Variants in DIRAS2 observed in about 807,000 individuals in gnomAD.
DIRAS2 encodes DIRAS family GTPase 2.
A neutral mutation model predicts 13.9 loss-of-function variants in DIRAS2; 5 were observed. That is an observed-to-expected ratio of 0.36 (90% CI 0.19 to 0.76). DIRAS2 has a LOEUF of 0.76. Among genes scored for constraint, DIRAS2 ranks in the 30% least tolerant of loss-of-function variants. The probability of loss-of-function intolerance (pLI) is 0.53; values close to 1 mark genes in which losing one functional copy is unlikely to be tolerated. For synonymous variants in DIRAS2, 111 were observed against 105.4 expected, an observed-to-expected ratio of 1.05 and a Z score of -0.33; for missense variants, 191 against 263.0, an observed-to-expected ratio of 0.73 and a Z score of 1.89.
intron 1 of DIRAS2, among the ~76,000 whole-genome samples, chr9:90,619,833 A>T (rs1049888407): frequency 6.6e-6 from 1 of 152,256 alleles, no homozygotes; most frequent in African/African-American, 2.4e-5. Context: ...GTAAAATGCA[A>T]TCTACCCATT....
Position 90,613,585 on chromosome 9 carries a change from G to A in DIRAS2, c.243C>T (p.Ala81=). 1 of 1,614,180 alleles carries A rather than the reference G, an allele frequency of 6.2e-7. No homozygotes were observed. The highest frequency in any genetic ancestry group is 8.5e-7 in the Non-Finnish European group (1 of 1,180,042). Residue 81 remains alanine, a synonymous_variant, in exon 2 of 2, where the codon GCC becomes GCT. Coordinates refer to ENST00000375765, the MANE Select transcript of DIRAS2 (RefSeq NM_017594.5). This position sits in a 1 kb window ranked among gnomAD's most constrained non-coding sequence, Gnocchi z 5.6. ...MQRLSISKGH[A]FILVYSITSR... ...TGGTAATGGAGTACACCAGGATGAA[G>A]GCGTGCCCTTTGGAGATGGACAGCC...
rs139132864 is a variant in DIRAS2 at position 90,613,603 on chromosome 9, G to A, written c.225C>T (p.Ser75=). ...GGATGAAGGCGTGCCCTTTGGAGAT[G>A]GACAGCCGCTGCATGGCCGGGAACT... ...SHQFPAMQRL[S]ISKGHAFILV... The change falls in exon 2 of 2, where the codon TCC becomes TCT. Residue 75 remains serine (S), a synonymous_variant. Transcript: ENST00000375765. This position sits in a 1 kb window ranked among gnomAD's most constrained non-coding sequence, Gnocchi z 5.6. 2.1e-4 allele frequency: 339 copies of A among 1,614,164 alleles called. 3 individuals are homozygous for A. In the African/African-American group the frequency reaches 3.7e-3, roughly 18 times the overall value.
At chr9:90,616,880 G>C (rs1053351292) in intron 1 of DIRAS2, among the ~76,000 whole-genome samples, 4 of 152,168 alleles carry the variant, frequency 2.6e-5, no homozygotes, top group Non-Finnish European at 5.9e-5. Context: ...TTAGAGGGGG[G>C]ACAAGCATAG....
chr9:90,613,853 C>T lies in DIRAS2; in HGVS notation c.-26G>A. The T allele has an allele frequency of 6.3e-7, 1 of 1,581,670 alleles. No individual in the cohort carries two copies. The highest frequency in any genetic ancestry group is 2.2e-5 in the East Asian group (1 of 44,502). ...GTTGCTGGAGAGCTCCAACTCTCAG[C>T]CAGGACGCACCTAGCAAAGGAACCA... On this transcript the variant is annotated 5_prime_UTR_variant, in exon 2 of 2. Transcript: ENST00000375765. This position sits in a 1 kb window ranked among gnomAD's most constrained non-coding sequence, Gnocchi z 5.6.
chr9:90,637,794 C>T (rs1241649001), intron 1 of DIRAS2, among the ~76,000 whole-genome samples: 1 of 152,236 alleles, frequency 6.6e-6, no homozygotes, highest in Non-Finnish European at 1.5e-5. Context: ...AAGATCAGCA[C>T]TGTCCCCTTC....
intron 1 of DIRAS2, among the ~76,000 whole-genome samples, chr9:90,640,226 G>T (rs922315958): frequency 1.3e-5 from 2 of 152,076 alleles, no homozygotes; most frequent in African/African-American, 4.8e-5. Flanking sequence ...CAATTCTATT[G>T]TACAGTACAG....
rs933654002 is a variant in DIRAS2 at position 90,634,012 on chromosome 9, C to A, written c.-37+8740G>T. 4.6e-5 allele frequency among the ~76,000 whole-genome samples: 7 copies of A among 152,096 alleles called. No homozygotes were observed. The East Asian group carries it at 9.6e-4, about 21-fold the overall frequency. Reference sequence around the variant, plus strand: ...AAATACAGATATATAGACATGTATACTTTTTAAAGAGAAGGTAACAGCTGA... The same window carrying A: ...AAATACAGATATATAGACATGTATAATTTTTAAAGAGAAGGTAACAGCTGA... On this transcript the variant is annotated intron_variant, in intron 1 of 1. Coordinates refer to ENST00000375765, the MANE Select transcript of DIRAS2 (RefSeq NM_017594.5).
rs779081425 is a variant in DIRAS2, at chr9:90,613,859, C to G, written c.-32G>C. The G allele has an allele frequency of 6.3e-7, 1 of 1,578,638 alleles. No individual in the cohort carries two copies. The highest frequency in any genetic ancestry group is 1.8e-5 in the Admixed American group (1 of 54,702). On this transcript the variant is annotated 5_prime_UTR_variant, in exon 2 of 2. Transcript: ENST00000375765. The surrounding 1 kb of genome is among the most constrained non-coding windows in gnomAD (Gnocchi z 5.6). ...GGAGAGCTCCAACTCTCAGCCAGGA[C>G]GCACCTAGCAAAGGAACCAGATGTT...
chr9:90,613,946 A>T lies in DIRAS2; in HGVS notation c.-36-83T>A, dbSNP rs1468913422. ...AAGGATAGCTCTACCCTCTTTTGAT[A>T]GCTTAAAAATGGGAGGTGATAACAT... On this transcript the variant is annotated intron_variant, in intron 1 of 1. Transcript: ENST00000375765. The surrounding 1 kb of genome is among the most constrained non-coding windows in gnomAD (Gnocchi z 5.6). 2.3e-6 allele frequency: 3 copies of T among 1,313,198 alleles called. No individual in the cohort carries two copies. Among genetic ancestry groups the T allele is most frequent in the East Asian group, 5.2e-5 (2 of 38,766 alleles). 81.3% of individuals were successfully genotyped at this position (1,313,198 alleles called of 1,614,324 possible). A position where few individuals can be genotyped will look rare whatever the true frequency, so the allele number is the denominator to read the frequency against.
chr9:90,636,100 C>A (rs1391901793), intron 1 of DIRAS2, among the ~76,000 whole-genome samples: 1 of 121,308 alleles, frequency 8.2e-6, no homozygotes, highest in Non-Finnish European at 1.6e-5. Flanking sequence ...TGCAGTGGTG[C>A]GATCTTGGCT....
chr9:90,639,081 C>G (rs898606), intron 1 of DIRAS2, among the ~76,000 whole-genome samples: 30,238 of 152,034 alleles, frequency 0.2, 3,390 homozygotes, highest in Non-Finnish European at 0.27. Context: ...CATTAATTAG[C>G]TTTAGAAAAA....
Position 90,613,080 on chromosome 9 carries a change from C to T in DIRAS2, c.*148G>A, listed in dbSNP as rs907916555. On this transcript the variant is annotated 3_prime_UTR_variant, in exon 2 of 2. Transcript: ENST00000375765. This position sits in a 1 kb window ranked among gnomAD's most constrained non-coding sequence, Gnocchi z 5.6. ...GTGGCTTACTGTTGGTGGTGTGAAACGCCCTCTTAAGGACAATAGGACGCA... is the reference window on the plus strand; with the variant it reads ...GTGGCTTACTGTTGGTGGTGTGAAATGCCCTCTTAAGGACAATAGGACGCA... The T allele has an allele frequency of 1.7e-6, 2 of 1,190,690 alleles. No homozygotes were observed. Among genetic ancestry groups the T allele is most frequent in the Non-Finnish European group, 2.3e-6 (2 of 861,406 alleles). The allele number at this position is 1,190,690 out of a possible 1,614,324, so 73.8% of individuals were successfully genotyped here.
intron 1 of DIRAS2, among the ~76,000 whole-genome samples, chr9:90,642,351 A>G (rs1187233124): frequency 6.6e-6 from 1 of 152,252 alleles, no homozygotes; most frequent in Non-Finnish European, 1.5e-5. Context: ...AGCATGCCGA[A>G]CCAAACGGCA....
chr9:90,614,884 G>A (rs1825153144), intron 1 of DIRAS2, among the ~76,000 whole-genome samples: 1 of 152,184 alleles, frequency 6.6e-6, no homozygotes, highest in Non-Finnish European at 1.5e-5. Context: ...TCAGGGATGT[G>A]TAGATGTGCC....
In DIRAS2 at chr9:90,615,329, G is replaced by T. The variant is rs375305400; in HGVS notation, c.-36-1466C>A. On this transcript the variant is annotated intron_variant, in intron 1 of 1. Transcript: ENST00000375765. ...CTCGATTCAATACTCAGCTGTTCTT[G>T]CATGCACTTTGGAATCCCAAACCCT... Among the ~76,000 whole-genome samples, 4 of 152,246 alleles carry T rather than the reference G, an allele frequency of 2.6e-5. No individual in the cohort carries two copies. The South Asian group carries it at 8.3e-4, about 32-fold the overall frequency.
Position 90,610,217 on chromosome 9 carries a change from G to A in DIRAS2, c.*3011C>T, listed in dbSNP as rs983603374. 2 of 385,994 alleles carry A rather than the reference G, an allele frequency of 5.2e-6. No homozygotes were observed. The highest frequency in any genetic ancestry group is 9.1e-6 in the Non-Finnish European group (2 of 219,718). The allele number at this position is 385,994 out of a possible 1,614,324, so 23.9% of individuals were successfully genotyped here. ...TTTTTAAAATATTTAATACATTTTT[G>A]TTCTACAAAGAATGAGCATTTCTTA... On this transcript the variant is annotated 3_prime_UTR_variant, in exon 2 of 2. Transcript: ENST00000375765.
intron 1 of DIRAS2, among the ~76,000 whole-genome samples, chr9:90,628,945 C>T (rs1464673839): frequency 6.6e-6 from 1 of 152,084 alleles, no homozygotes; most frequent in Non-Finnish European, 1.5e-5. Context: ...AGCTCCGCCT[C>T]CCGGGTTCAC....
chr9:90,631,502 C>T (rs1041143015), intron 1 of DIRAS2, among the ~76,000 whole-genome samples: 1 of 152,144 alleles, frequency 6.6e-6, no homozygotes, highest in Non-Finnish European at 1.5e-5. Context: ...GGAGCGGAGG[C>T]AGGATTCCAG....
At chr9:90,639,589 T>C (rs1825400549) in intron 1 of DIRAS2, among the ~76,000 whole-genome samples, 1 of 152,210 alleles carries the variant, frequency 6.6e-6, no homozygotes, top group Non-Finnish European at 1.5e-5. Context: ...GGGGGGGCAG[T>C]ACTTCTTGGG....
Sources: allele counts gnomAD v4.1 joint callset (sites outside exome capture counted in the v4.1 genomes callset), GRCh38; gene constraint gnomAD v4.1.1; non-coding constraint Gnocchi (gnomAD v3.1); transcripts MANE v1.5; gene names NCBI Gene and HGNC (gene_info 2026-07-23, HGNC 2026-07-21).